GRID2: variants seen among roughly 807,000 people sequenced by gnomAD.
GRID2 encodes the protein glutamate receptor ionotropic, delta-2.
Under a neutral mutation model 114.8 loss-of-function variants are expected in GRID2, and 33 were observed. That is an observed-to-expected ratio of 0.29 (90% confidence interval 0.22 to 0.38). The LOEUF is 0.38. Among genes scored for constraint, GRID2 ranks in the 10% least tolerant of loss-of-function variants. The probability of loss-of-function intolerance (pLI) is 1.00; values close to 1 mark genes in which losing one functional copy is unlikely to be tolerated. For missense variants in GRID2, 1,184 were observed against 1,257.7 expected, an observed-to-expected ratio of 0.94 and a Z score of 0.89; for synonymous variants, 505 against 449.9, an observed-to-expected ratio of 1.12 and a Z score of -1.55.
At position 92,623,107 on chromosome 4, in the gene GRID2, G is replaced by C. The variant is rs78541879; in HGVS notation, c.244+32821G>C. ...TATAAAAAACTAATAAAATTTCAAA[G>C]ATTTCAGGCTGATTATCTTTCATTA... On this transcript the variant is annotated intron_variant, in intron 2 of 15. Coordinates refer to ENST00000282020, the MANE Select transcript of GRID2 (RefSeq NM_001510.4). 8.6e-3 allele frequency among the ~76,000 whole-genome samples: 1,300 copies of C among 151,542 alleles called. 17 individuals are homozygous for C. The highest frequency in any genetic ancestry group is 0.066 in the East Asian group (340 of 5,156).
chr4:92,445,704 C>T (rs1368441549), intron 1 of GRID2, among the ~76,000 whole-genome samples: 1 of 152,086 alleles, frequency 6.6e-6, no homozygotes, highest in Non-Finnish European at 1.5e-5. Flanking sequence ...ACAGACTAGC[C>T]CCATCGTGGT....
intron 8 of GRID2, among the ~76,000 whole-genome samples, chr4:93,311,895 G>A (rs1311958619): frequency 6.6e-6 from 1 of 152,156 alleles, no homozygotes. Flanking sequence ...AAAAAACAGA[G>A]AAGGTTGAAA....
intron 11 of GRID2, among the ~76,000 whole-genome samples, chr4:93,457,838 A>AGAGAT (rs1723350220): frequency 6.6e-6 from 1 of 152,212 alleles, no homozygotes; most frequent in Non-Finnish European, 1.5e-5. Context: ...ATATGACAGG[A>AGAGAT]GAGATGATAC....
intron 2 of GRID2, among the ~76,000 whole-genome samples, chr4:92,976,455 T>C (rs1156788653): frequency 2.0e-5 from 3 of 152,150 alleles, no homozygotes; most frequent in African/African-American, 7.2e-5. Context: ...GTGTGTGTTC[T>C]ATAACAATAT....
intron 2 of GRID2, among the ~76,000 whole-genome samples, chr4:92,951,384 C>G (rs1752026239): frequency 6.6e-6 from 1 of 150,800 alleles, no homozygotes; most frequent in South Asian, 2.1e-4. Flanking sequence ...CAGGATCTCA[C>G]TTTTTCACCC....
intron 13 of GRID2, among the ~76,000 whole-genome samples, chr4:93,540,956 A>G (rs977238969): frequency 4.6e-5 from 7 of 152,164 alleles, no homozygotes; most frequent in Non-Finnish European, 8.8e-5. Flanking sequence ...TTTTATCACT[A>G]AAAATTCTCT....
At chr4:93,750,293 T>G (rs1161672141) in intron 14 of GRID2, among the ~76,000 whole-genome samples, 1 of 152,200 alleles carries the variant, frequency 6.6e-6, no homozygotes, top group Non-Finnish European at 1.5e-5. Flanking sequence ...CCAAACCTGC[T>G]TTAGTATCAG....
chr4:93,732,089 G>C (rs1025164769), intron 14 of GRID2, among the ~76,000 whole-genome samples: 1 of 152,114 alleles, frequency 6.6e-6, no homozygotes, highest in East Asian at 1.9e-4. Flanking sequence ...ATTCTAAAGA[G>C]GCAAAAACAT....
intron 14 of GRID2, among the ~76,000 whole-genome samples, chr4:93,742,456 C>T (rs776561566): frequency 1.3e-5 from 2 of 152,172 alleles, no homozygotes; most frequent in Non-Finnish European, 2.9e-5. Context: ...AGCTACAATA[C>T]AAGCATATGT....
intron 14 of GRID2, among the ~76,000 whole-genome samples, chr4:93,632,299 C>T (rs945722228): frequency 9.2e-5 from 14 of 152,104 alleles, no homozygotes; most frequent in South Asian, 2.1e-4. Context: ...CCCAGGCCTA[C>T]GTCCTGAATG....
chr4:92,883,759 T>C (rs1746179147), intron 2 of GRID2, among the ~76,000 whole-genome samples: 1 of 152,134 alleles, frequency 6.6e-6, no homozygotes, highest in African/African-American at 2.4e-5. Flanking sequence ...GAACACTTGG[T>C]TTTGAACAGT....
At chr4:93,613,058 C>T (rs1425847455) in intron 13 of GRID2, among the ~76,000 whole-genome samples, 6 of 132,312 alleles carry the variant, frequency 4.5e-5, no homozygotes, top group African/African-American at 1.4e-4. Flanking sequence ...TCATTTCATT[C>T]ATTTCATCTT....
chr4:93,778,778 T>TA (rs1273731662), downstream of GRID2, among the ~76,000 whole-genome samples: 2 of 152,182 alleles, frequency 1.3e-5, no homozygotes, highest in African/African-American at 2.4e-5. Flanking sequence ...CACTGTTTTT[T>TA]AAAAAAGCTT....
rs180762510 is a variant in GRID2 at position 93,734,242 on chromosome 4, T to C, written c.2361-34968T>C. On this transcript the variant is annotated intron_variant, in intron 14 of 15. Transcript: ENST00000282020. ...GAAACTAAATTCTCCAGGAATATTTTCCCCCCATTTTTTCTTCCCCATCAT... is the reference window on the plus strand; with the variant it reads ...GAAACTAAATTCTCCAGGAATATTTCCCCCCCATTTTTTCTTCCCCATCAT... Among the ~76,000 whole-genome samples, 942 of 152,156 alleles carry C rather than the reference T, an allele frequency of 6.2e-3. 5 individuals are homozygous for C. The highest frequency in any genetic ancestry group is 7.4e-3 in the Non-Finnish European group (501 of 67,918).
chr4:93,772,356 G>A lies in GRID2; in HGVS notation c.2882G>A (p.Arg961Gln), dbSNP rs201593623. Reference sequence around the variant, plus strand: ...ACTTTTGGCAACGTGCCTGAGCACCGAACTGGCCCTTTTAGGCACAGGGCA... The same window carrying A: ...ACTTTTGGCAACGTGCCTGAGCACCAAACTGGCCCTTTTAGGCACAGGGCA... ...GFTFGNVPEH[R>Q]TGPFRHRAPN... Residue 961 changes from arginine to glutamine, a missense_variant, in exon 16 of 16, where the codon CGA (arginine) becomes CAA (glutamine). Physicochemically the swap from Arg to Gln is conservative, Grantham distance 43. Transcript: ENST00000282020. The A allele has an allele frequency of 7.4e-6, 12 of 1,614,056 alleles. No homozygotes were observed. The highest frequency in any genetic ancestry group is 1.3e-5 in the African/African-American group (1 of 75,000).
At chr4:92,579,355 T>G (rs899607528) in intron 1 of GRID2, among the ~76,000 whole-genome samples, 1 of 152,078 alleles carries the variant, frequency 6.6e-6, no homozygotes, top group South Asian at 2.1e-4. Flanking sequence ...TTCCAGCTCT[T>G]TTTTGTTTCT....
chr4:92,570,847 A>T (rs1427111561), intron 1 of GRID2, among the ~76,000 whole-genome samples: 1 of 151,946 alleles, frequency 6.6e-6, no homozygotes, highest in Admixed American at 6.6e-5. Flanking sequence ...GCAGCTTTTC[A>T]ACTGGATGAC....
At chr4:92,946,491 T>C (rs904100377) in intron 2 of GRID2, among the ~76,000 whole-genome samples, 2 of 151,886 alleles carry the variant, frequency 1.3e-5, no homozygotes, top group Non-Finnish European at 2.9e-5. Context: ...TACCTTTTCT[T>C]CCCCCCCAAA....
At chr4:92,699,270 A>G (rs2149299816) in intron 2 of GRID2, among the ~76,000 whole-genome samples, 1 of 152,290 alleles carries the variant, frequency 6.6e-6, no homozygotes, top group Middle Eastern at 3.4e-3. Flanking sequence ...TCTCACTGGG[A>G]AAGGAAATAA....
Sources: gnomAD v4.1 joint callset for allele counts (sites outside exome capture counted in the v4.1 genomes callset) on GRCh38, gnomAD v4.1.1 for gene constraint, MANE v1.5 for transcripts, NCBI Gene and HGNC (gene_info 2026-07-23, HGNC 2026-07-21) for gene names.